Variants in KCNH7 observed in about 807,000 individuals in gnomAD.
KCNH7 encodes potassium voltage-gated channel subfamily H member 7.
A neutral mutation model predicts 120.8 loss-of-function variants in KCNH7; 49 were observed. The ratio of observed to expected loss-of-function variants is 0.41; its 90% CI spans 0.32 to 0.51. The LOEUF (loss-of-function observed/expected upper bound fraction) is 0.51, where lower values mean the gene tolerates loss of function less well. Among genes scored for constraint, KCNH7 ranks in the 20% least tolerant of loss-of-function variants. The probability of loss-of-function intolerance (pLI) is 0.38; values close to 1 mark genes in which losing one functional copy is unlikely to be tolerated. For missense variants in KCNH7, 1,097 were observed against 1,446.6 expected (o/e 0.76, Z 3.92); for synonymous variants, 547 against 516.1 (o/e 1.06, Z -0.81).
At chr2:162,434,117 A>G (rs1010207795) in intron 8 of KCNH7, among the ~76,000 whole-genome samples, 5 of 152,168 alleles carry the variant, frequency 3.3e-5, no homozygotes, top group African/African-American at 1.2e-4. Flanking sequence ...TCCTAAGTGA[A>G]TTAATACAGG....
chr2:162,772,853 C>T (rs1429812507), intron 2 of KCNH7, among the ~76,000 whole-genome samples: 1 of 152,144 alleles, frequency 6.6e-6, no homozygotes, highest in Non-Finnish European at 1.5e-5. Flanking sequence ...GAATCTTATA[C>T]AGCGGAGGAA....
intron 6 of KCNH7, among the ~76,000 whole-genome samples, chr2:162,482,960 T>C (rs1689978297): frequency 6.6e-6 from 1 of 152,156 alleles, no homozygotes; most frequent in South Asian, 2.1e-4. Flanking sequence ...TAACTGAAAA[T>C]TCTTGGAACT....
intron 2 of KCNH7, among the ~76,000 whole-genome samples, chr2:162,598,970 T>C (rs1001566402): frequency 3.9e-5 from 6 of 151,986 alleles, no homozygotes; most frequent in Non-Finnish European, 8.8e-5. Flanking sequence ...AAAGCTTATG[T>C]GAAGGCTGGG....
At chr2:162,685,025 G>A (rs996633500) in intron 2 of KCNH7, among the ~76,000 whole-genome samples, 3 of 152,012 alleles carry the variant, frequency 2.0e-5, no homozygotes, top group South Asian at 2.1e-4. Flanking sequence ...CCATAAAAAA[G>A]GATGAGTTCA....
chr2:162,623,932 A>C (rs1683453910), intron 2 of KCNH7, among the ~76,000 whole-genome samples: 1 of 152,176 alleles, frequency 6.6e-6, no homozygotes, highest in African/African-American at 2.4e-5. Context: ...GAAAATGTTA[A>C]ATGGAAAGAA....
chr2:162,648,323 A>T (rs1212716345), intron 2 of KCNH7, among the ~76,000 whole-genome samples: 5 of 152,134 alleles, frequency 3.3e-5, no homozygotes, highest in African/African-American at 1.2e-4. Flanking sequence ...CTTCCAAACA[A>T]CCAGATCTCC....
At position 162,487,723 on chromosome 2, in the gene KCNH7, A is replaced by G. The variant is rs764307978; in HGVS notation, c.1128+16720T>C. 3.3e-5 allele frequency among the ~76,000 whole-genome samples: 5 copies of G among 152,182 alleles called. 1 individual carries two copies. The highest frequency in any genetic ancestry group is 7.2e-5 in the African/African-American group (3 of 41,428). On this transcript the variant is annotated intron_variant, in intron 6 of 15. Transcript: ENST00000332142. ...AAATAGAGCTAGAGGGGGAAAATGT[A>G]TTACCCACAATCTCACACCCAGATA...
chr2:162,506,364 T>C (rs1302911283), intron 5 of KCNH7, among the ~76,000 whole-genome samples: 1 of 151,870 alleles, frequency 6.6e-6, no homozygotes, highest in African/African-American at 2.4e-5. Flanking sequence ...TTGTAATGCA[T>C]ACCAGGATAG....
At chr2:162,829,461 G>A (rs1400288503) in intron 2 of KCNH7, among the ~76,000 whole-genome samples, 1 of 152,136 alleles carries the variant, frequency 6.6e-6, no homozygotes, top group African/African-American at 2.4e-5. Flanking sequence ...TCAGTTGGTT[G>A]TATAATTGTG....
intron 2 of KCNH7, among the ~76,000 whole-genome samples, chr2:162,580,392 TG>T (rs1693829078): frequency 1.3e-5 from 2 of 151,964 alleles, no homozygotes; most frequent in African/African-American, 4.8e-5. Flanking sequence ...AGCCAAAACA[TG>T]GAAGAAATTA....
intron 2 of KCNH7, among the ~76,000 whole-genome samples, chr2:162,716,656 A>G (rs1163338104): frequency 6.6e-6 from 1 of 152,112 alleles, no homozygotes; most frequent in Non-Finnish European, 1.5e-5. Flanking sequence ...ATTGACTATT[A>G]AGCCCTTTTC....
chr2:162,641,636 G>A (rs1684160802), intron 2 of KCNH7, among the ~76,000 whole-genome samples: 1 of 152,144 alleles, frequency 6.6e-6, no homozygotes, highest in South Asian at 2.1e-4. Context: ...TGAAGAACAG[G>A]CTAGAGGTCA....
intron 2 of KCNH7, among the ~76,000 whole-genome samples, chr2:162,546,556 G>A (rs1369697914): frequency 6.6e-6 from 1 of 152,076 alleles, no homozygotes; most frequent in East Asian, 1.9e-4. Context: ...TGAGAATCCT[G>A]GGGACAGCCA....
Position 162,543,999 on chromosome 2 carries a change from C to A in KCNH7, c.308-6919G>T, listed in dbSNP as rs547012934. Among the ~76,000 whole-genome samples, 14 of 152,284 alleles carry A rather than the reference C, an allele frequency of 9.2e-5. No individual in the cohort carries two copies. The South Asian group carries it at 2.9e-3, about 32-fold the overall frequency. On this transcript the variant is annotated intron_variant, in intron 2 of 15. Coordinates refer to ENST00000332142, the MANE Select transcript of KCNH7 (RefSeq NM_033272.4). Reference sequence around the variant, plus strand: ...CTTAAGGAGCTTGAGATGAACTCATCAGATTAATTCTCTTGTCCAGATGAG... The same window carrying A: ...CTTAAGGAGCTTGAGATGAACTCATAAGATTAATTCTCTTGTCCAGATGAG...
At chr2:162,374,686 A>C (rs564903120) in intron 14 of KCNH7, among the ~76,000 whole-genome samples, 14 of 152,278 alleles carry the variant, frequency 9.2e-5, no homozygotes, top group African/African-American at 3.4e-4. Context: ...GAACATAATA[A>C]ACCTGGAAAA....
intron 2 of KCNH7, among the ~76,000 whole-genome samples, chr2:162,703,720 A>C (rs1047269852): frequency 3.3e-5 from 5 of 152,176 alleles, no homozygotes; most frequent in African/African-American, 1.2e-4. Flanking sequence ...CTACTTCACA[A>C]TTCAACTGAG....
chr2:162,385,824 G>A (rs1686555459), intron 12 of KCNH7, among the ~76,000 whole-genome samples: 1 of 151,824 alleles, frequency 6.6e-6, no homozygotes, highest in Non-Finnish European at 1.5e-5. Flanking sequence ...GTTATTTATA[G>A]AAGGCCAAAT....
intron 9 of KCNH7, among the ~76,000 whole-genome samples, chr2:162,404,825 C>T (rs1687161956): frequency 6.6e-6 from 1 of 151,998 alleles, no homozygotes; most frequent in African/African-American, 2.4e-5. Context: ...AGGCACTATG[C>T]TAAGCATGGG....
chr2:162,793,175 C>A (rs1339778217), intron 2 of KCNH7, among the ~76,000 whole-genome samples: 1 of 151,906 alleles, frequency 6.6e-6, no homozygotes, highest in Non-Finnish European at 1.5e-5. Context: ...AGGCCATTAT[C>A]CTTAGCAAAC....
Sources: allele counts gnomAD v4.1 joint callset (sites outside exome capture counted in the v4.1 genomes callset), GRCh38; gene constraint gnomAD v4.1.1; transcripts MANE v1.5; gene names NCBI Gene and HGNC (gene_info 2026-07-23, HGNC 2026-07-21).